PCLO: variants seen among roughly 807,000 people sequenced by gnomAD.
PCLO encodes the protein piccolo presynaptic cytomatrix protein.
In PCLO, 82 loss-of-function variants were observed where a neutral mutation model predicts 427.5. That is an observed-to-expected ratio of 0.19 (90% CI 0.16 to 0.23). The LOEUF is 0.23. Ranked by LOEUF, PCLO falls within the 10% of genes least tolerant of loss-of-function variation. PCLO has a pLI of 1.00. For missense variants in PCLO, 6,239 were observed against 6,115.9 expected (o/e 1.02, Z -0.67); for synonymous variants, 2,357 against 2,155.4 (o/e 1.09, Z -2.59).
intron 3 of PCLO, among the ~76,000 whole-genome samples, chr7:83,095,620 G>A (rs1421612119): frequency 1.3e-5 from 2 of 151,698 alleles, no homozygotes; most frequent in Non-Finnish European, 2.9e-5. Context: ...ATTTTTATAT[G>A]TTTTACTTCC....
intron 15 of PCLO, among the ~76,000 whole-genome samples, chr7:82,836,376 C>T (rs973876322): frequency 2.0e-5 from 3 of 151,884 alleles, no homozygotes; most frequent in East Asian, 1.9e-4. Flanking sequence ...AAATCAAAGG[C>T]GGAATGAAGT....
At chr7:83,029,041 G>A (rs1398430853) in intron 3 of PCLO, among the ~76,000 whole-genome samples, 1 of 152,120 alleles carries the variant, frequency 6.6e-6, no homozygotes, top group East Asian at 1.9e-4. Context: ...TCAGGACTTA[G>A]GCATGGGCAA....
At chr7:82,875,195 A>G (rs961949027) in intron 10 of PCLO, among the ~76,000 whole-genome samples, 1 of 152,144 alleles carries the variant, frequency 6.6e-6, no homozygotes, top group Admixed American at 6.6e-5. Context: ...GAGTTCTTTC[A>G]GGAAATCATT....
chr7:82,848,199 G>A (rs1333454495), intron 10 of PCLO, among the ~76,000 whole-genome samples: 2 of 151,162 alleles, frequency 1.3e-5, no homozygotes, highest in Non-Finnish European at 2.9e-5. Flanking sequence ...ACTGGGTACA[G>A]TAGATGAACC....
intron 22 of PCLO, among the ~76,000 whole-genome samples, chr7:82,785,547 G>C (rs377220191): frequency 6.6e-6 from 1 of 152,126 alleles, no homozygotes; most frequent in African/African-American, 2.4e-5. Context: ...AATCATTTCA[G>C]CTCATAGTTT....
At chr7:83,039,052 G>A (rs930495468) in intron 3 of PCLO, among the ~76,000 whole-genome samples, 10 of 151,950 alleles carry the variant, frequency 6.6e-5, no homozygotes, top group African/African-American at 2.4e-4. Flanking sequence ...TAGAGCCTTT[G>A]CTCATTTTTG....
chr7:82,933,839 G>A (rs1284868534), intron 6 of PCLO, among the ~76,000 whole-genome samples: 1 of 151,912 alleles, frequency 6.6e-6, no homozygotes, highest in Admixed American at 6.6e-5. Flanking sequence ...CATAAAGGCT[G>A]AAAATCAGAT....
At chr7:82,970,317 A>C (rs6963431) in intron 3 of PCLO, among the ~76,000 whole-genome samples, 11,216 of 152,044 alleles carry the variant, frequency 0.074, 1,402 homozygotes, top group African/African-American at 0.26. Context: ...ACTGTAATCC[A>C]GTGAAGGTTT....
At chr7:83,098,939 G>A (rs1039828890) in intron 3 of PCLO, among the ~76,000 whole-genome samples, 2 of 151,948 alleles carry the variant, frequency 1.3e-5, no homozygotes, top group East Asian at 3.9e-4. Flanking sequence ...ATAGAATTTG[G>A]ATAGGAAAGA....
intron 3 of PCLO, among the ~76,000 whole-genome samples, chr7:83,053,121 T>C (rs913807723): frequency 2.0e-5 from 3 of 152,022 alleles, no homozygotes; most frequent in African/African-American, 7.2e-5. Context: ...TCAGTCATGT[T>C]AGCCCACTTG....
intron 22 of PCLO, among the ~76,000 whole-genome samples, chr7:82,761,932 G>A (rs926453587): frequency 1.8e-4 from 28 of 151,970 alleles, no homozygotes; most frequent in Non-Finnish European, 3.7e-4. Flanking sequence ...AGATATGACT[G>A]TATCAATTCA....
rs1477518172 is a variant in PCLO at position 82,913,839 on chromosome 7, T to C, written c.13300+847A>G. ...TTGTTCAACATGGAAAACTAGCAAG[T>C]CAATTTAGGGCAAATACATGGGATG... is the stretch of plus-strand genomic sequence containing the variant. On this transcript the variant is annotated intron_variant, in intron 7 of 24. Transcript: ENST00000333891. Among the ~76,000 whole-genome samples, 5 of 151,852 alleles carry C rather than the reference T, an allele frequency of 3.3e-5. No individual in the cohort carries two copies. The South Asian group carries it at 6.2e-4, about 19-fold the overall frequency.
Position 83,135,647 on chromosome 7 carries a change from A to T in PCLO, c.1903T>A (p.Trp635Arg). 1 of 1,586,122 alleles carries T rather than the reference A, an allele frequency of 6.3e-7. No individual in the cohort carries two copies. Among genetic ancestry groups the T allele is most frequent in the Non-Finnish European group, 8.6e-7 (1 of 1,165,266 alleles). ...PNPHLTEVKE[W>R]LCLNCQMKRA... ...TTCATTTGACAGTTCAAACAGAGCC[A>T]CTCTTTTACCTACAAATAATATAAA... The change falls in exon 3 of 25, where the codon TGG becomes AGG. Residue 635 changes from tryptophan (W) to arginine (R), a missense_variant. This residue lies in a region of PCLO where 4,677 missense variants were observed against 4,468.4 expected (regional missense o/e 1.05). Coordinates refer to ENST00000333891, the MANE Select transcript of PCLO (RefSeq NM_033026.6).
At position 82,949,942 on chromosome 7, in the gene PCLO, AT is replaced by A; in HGVS notation, c.10645del (p.Ile3549Ter). On this transcript the variant is annotated frameshift_variant, in exon 6 of 25. Coordinates refer to ENST00000333891, the MANE Select transcript of PCLO (RefSeq NM_033026.6). LOFTEE classifies it high-confidence loss of function. The part of the protein sequence containing the change: ...IRARVDAKVE[I>X]IKHISAPEKT... ...TTCAGGTGCTGAAATGTGTTTAATT[AT>A]TTCTACCTTGGCATCCACTCGTGCC... is the stretch of plus-strand genomic sequence containing the variant. 1 of 1,613,200 alleles carries A rather than the reference AT, an allele frequency of 6.2e-7. No individual in the cohort carries two copies. The highest frequency in any genetic ancestry group is 8.5e-7 in the Non-Finnish European group (1 of 1,179,756).
chr7:82,924,692 G>T (rs993484624), intron 6 of PCLO, among the ~76,000 whole-genome samples: 2 of 151,874 alleles, frequency 1.3e-5, no homozygotes, highest in African/African-American at 4.8e-5. Flanking sequence ...CTTTAAAAAA[G>T]AAAGTAATTA....
At chr7:82,945,289 G>A (rs1475758209) in intron 6 of PCLO, among the ~76,000 whole-genome samples, 1 of 152,122 alleles carries the variant, frequency 6.6e-6, no homozygotes, top group Non-Finnish European at 1.5e-5. Flanking sequence ...GACTGACAGG[G>A]TCTTGAAAAA....
At chr7:83,020,401 A>AG (rs34849145) in intron 3 of PCLO, among the ~76,000 whole-genome samples, 71,522 of 151,742 alleles carry the variant, frequency 0.47, 19,149 homozygotes, top group Middle Eastern at 0.7. Context: ...TAGTAGTAAG[A>AG]GGGGGGGCCT....
chr7:83,058,126 A>G (rs1203760106), intron 3 of PCLO, among the ~76,000 whole-genome samples: 1 of 152,196 alleles, frequency 6.6e-6, no homozygotes, highest in Non-Finnish European at 1.5e-5. Flanking sequence ...TGGCTACAGA[A>G]TACATAACTA....
Position 83,135,598 on chromosome 7 carries a change from G to A in PCLO, c.1952C>T (p.Ala651Val). ...GGGCTGGGGTGATGACGGAACTGGA[G>A]CCAGATCCCCGCCTAGAGCTCTTTT... ...QMKRALGGDL[A>V]PVPSSPQPKL... The change falls in exon 3 of 25, where the codon GCT (alanine) becomes GTT (valine). Residue 651 changes from alanine (A) to valine (V), a missense_variant. Transcript: ENST00000333891. 7.4e-6 allele frequency: 12 copies of A among 1,612,766 alleles called. No individual in the cohort carries two copies. Among genetic ancestry groups the A allele is most frequent in the Non-Finnish European group, 1.0e-5 (12 of 1,179,326 alleles).
Sources: gnomAD v4.1 joint callset for allele counts (sites outside exome capture counted in the v4.1 genomes callset) on GRCh38, gnomAD v4.1.1 for gene constraint, gnomAD v4.1.1 regional missense constraint, MANE v1.5 for transcripts, NCBI Gene and HGNC (gene_info 2026-07-23, HGNC 2026-07-21) for gene names.